The following ZNF407 variants were observed in gnomAD, a reference collection of about 807,000 sequenced individuals.
The protein encoded by ZNF407 is zinc finger protein 407.
In ZNF407, 17 loss-of-function variants were observed where a neutral mutation model predicts 131.2. The observed-to-expected ratio is 0.13, with a 90% CI of 0.09 to 0.19. The LOEUF (loss-of-function observed/expected upper bound fraction) is 0.19. Ranked by LOEUF, ZNF407 falls within the 10% of genes least tolerant of loss-of-function variation. The pLI, the probability that ZNF407 is intolerant of heterozygous loss-of-function variation, is 1.00. For synonymous variants in ZNF407, 1,156 were observed against 1,062.0 expected (o/e 1.09, Z -1.72); for missense variants, 2,681 against 2,830.6 (o/e 0.95, Z 1.20).
At chr18:75,043,140 T>C (rs1406879175) in intron 8 of ZNF407, among the ~76,000 whole-genome samples, 3 of 152,218 alleles carry the variant, frequency 2.0e-5, no homozygotes, top group Admixed American at 6.5e-5. Context: ...CAGCAGTTCA[T>C]GAGAGCTCCA....
intron 4 of ZNF407, among the ~76,000 whole-genome samples, chr18:74,797,946 A>G (rs2628104): frequency 0.016 from 2,458 of 152,206 alleles, 69 homozygotes; most frequent in African/African-American, 0.055. Context: ...GCGCATCCGT[A>G]AAGACCAGCA....
chr18:74,991,429 C>A (rs1972717694), intron 8 of ZNF407, among the ~76,000 whole-genome samples: 1 of 152,164 alleles, frequency 6.6e-6, no homozygotes, highest in Admixed American at 6.5e-5. Context: ...AATTGTAAAT[C>A]TAATAGCAAT....
intron 3 of ZNF407, among the ~76,000 whole-genome samples, chr18:74,779,105 A>ATT (rs1969539621): frequency 4.0e-4 from 10 of 24,866 alleles, no homozygotes; most frequent in African/African-American, 1.1e-3. Context: ...ATATATATAT[A>ATT]TATATTTTTT....
chr18:74,697,287 A>G (rs1425802949), intron 3 of ZNF407, among the ~76,000 whole-genome samples: 2 of 152,206 alleles, frequency 1.3e-5, no homozygotes, highest in African/African-American at 4.8e-5. Context: ...AGGAGAATAT[A>G]TATCCTTTGG....
chr18:74,665,488 A>T (rs749967348), intron 3 of ZNF407, among the ~76,000 whole-genome samples: 1 of 152,182 alleles, frequency 6.6e-6, no homozygotes, highest in Non-Finnish European at 1.5e-5. Context: ...TTTGGATTAC[A>T]GTTCATTGAC....
At chr18:74,865,133 GC>G (rs761538735) in intron 4 of ZNF407, among the ~76,000 whole-genome samples, 34 of 152,294 alleles carry the variant, frequency 2.2e-4, no homozygotes, top group South Asian at 1.0e-3. Flanking sequence ...TAGGCACCTG[GC>G]CAGGTACTTG....
intron 1 of ZNF407, among the ~76,000 whole-genome samples, chr18:74,623,837 A>G (rs1983671012): frequency 6.6e-6 from 1 of 152,166 alleles, no homozygotes; most frequent in Admixed American, 6.5e-5. Flanking sequence ...CATGGAGCTT[A>G]TGTTGACAGT....
rs555418737 is a variant in ZNF407, at chr18:75,006,791, G to A, written c.5429-56359G>A. 2.2e-3 allele frequency among the ~76,000 whole-genome samples: 329 copies of A among 152,066 alleles called. 2 individuals are homozygous for A. The highest frequency in any genetic ancestry group is 7.2e-3 in the African/African-American group (299 of 41,490). ...TGCCATTTACCAAATACTGAGAGAG[G>A]CATGTTGAAGTTTTTTACTACAAGT... On this transcript the variant is annotated intron_variant, in intron 8 of 8. Coordinates refer to ENST00000299687, the MANE Select transcript of ZNF407 (RefSeq NM_017757.3).
chr18:74,901,763 TC>T (rs1971528246), intron 7 of ZNF407, among the ~76,000 whole-genome samples: 1 of 152,246 alleles, frequency 6.6e-6, no homozygotes, highest in South Asian at 2.1e-4. Context: ...ATCCAGCTCT[TC>T]CTGAGCTGTG....
intron 5 of ZNF407, 90 bp downstream of exon 5, chr18:74,877,453 A>G: frequency 8.6e-7 from 1 of 1,160,170 alleles, no homozygotes; most frequent in Non-Finnish European, 1.2e-6. Flanking sequence ...TCCCATCTTC[A>G]TAGTAATCAA....
At position 74,633,265 on chromosome 18, in the gene ZNF407, T is replaced by A. The variant is rs1166786476; in HGVS notation, c.2246T>A (p.Met749Lys). ...CTTTATTCATTGAGCAAAGAAGGAA[T>A]GGAGAAACACATTAAAAGAAGCAAG... is the stretch of plus-strand genomic sequence containing the variant. Reference protein sequence around the residue: ...CNLYSLSKEGMEKHIKRSKHL... With the variant: ...CNLYSLSKEGKEKHIKRSKHL... Residue 749 changes from methionine (M) to lysine (K), a missense_variant, in exon 2 of 9, where the codon ATG (methionine) becomes AAG (lysine). By Grantham distance (95) the Met-to-Lys change is moderately conservative. Around this residue, in one of 6 missense-constraint regions of ZNF407, gnomAD observed 1,789 missense variants for 1,748.7 expected, o/e 1.02. Coordinates refer to ENST00000299687, the MANE Select transcript of ZNF407 (RefSeq NM_017757.3). The A allele has an allele frequency of 6.2e-7, 1 of 1,613,358 alleles. No homozygotes were observed. Among genetic ancestry groups the A allele is most frequent in the Non-Finnish European group, 8.5e-7 (1 of 1,179,742 alleles).
At chr18:74,967,511 T>C (rs545653516) in intron 8 of ZNF407, among the ~76,000 whole-genome samples, 1 of 152,350 alleles carries the variant, frequency 6.6e-6, no homozygotes, top group African/African-American at 2.4e-5. Context: ...CTTTTTTCTT[T>C]CTGTCTTGCC....
chr18:74,954,421 C>G lies in ZNF407; in HGVS notation c.5428+33729C>G, dbSNP rs144602917. The stretch of plus-strand genomic sequence containing the variant: ...AATACAGATATTATATTAAGCTTCT[C>G]TCCTTCCACTTAGGATATAAAATAA... On this transcript the variant is annotated intron_variant, in intron 8 of 8. Transcript: ENST00000299687. 4.5e-3 allele frequency among the ~76,000 whole-genome samples: 692 copies of G among 152,220 alleles called. 23 individuals carry two copies. The East Asian group carries it at 0.078, about 17-fold the overall frequency.
chr18:74,868,508 T>C (rs941175825), intron 4 of ZNF407, among the ~76,000 whole-genome samples: 4 of 152,238 alleles, frequency 2.6e-5, no homozygotes, highest in Non-Finnish European at 4.4e-5. Context: ...TTGTCATATA[T>C]ACCAAAGCCA....
At chr18:74,601,094 C>G (rs1982557900) in intron 1 of ZNF407, among the ~76,000 whole-genome samples, 1 of 152,130 alleles carries the variant, frequency 6.6e-6, no homozygotes. Flanking sequence ...GTGAGATGGA[C>G]AAGTCAAGGT....
chr18:74,838,300 T>C (rs1195225196), intron 4 of ZNF407, among the ~76,000 whole-genome samples: 1 of 152,204 alleles, frequency 6.6e-6, no homozygotes, highest in Non-Finnish European at 1.5e-5. Context: ...CTTACAGTTA[T>C]ATACTGGGAC....
intron 7 of ZNF407, among the ~76,000 whole-genome samples, chr18:74,901,676 T>TA (rs1971526607): frequency 1.4e-4 from 1 of 7,234 alleles, no homozygotes; most frequent in Non-Finnish European, 2.0e-3. Flanking sequence ...CATATATATA[T>TA]TTTTAATTGC....
chr18:75,016,095 G>A (rs1973040788), intron 8 of ZNF407, among the ~76,000 whole-genome samples: 1 of 152,018 alleles, frequency 6.6e-6, no homozygotes, highest in South Asian at 2.1e-4. Context: ...TGGGTTTTTT[G>A]AGGTTATGAT....
intron 3 of ZNF407, among the ~76,000 whole-genome samples, chr18:74,698,189 G>A (rs1398537126): frequency 6.6e-6 from 1 of 152,168 alleles, no homozygotes; most frequent in African/African-American, 2.4e-5. Context: ...CCAAGGGTTT[G>A]AACTTCAGGG....
Sources: allele counts gnomAD v4.1 joint callset (sites outside exome capture counted in the v4.1 genomes callset), GRCh38; gene constraint gnomAD v4.1.1; regional missense constraint gnomAD v4.1.1; transcripts MANE v1.5; gene names NCBI Gene and HGNC (gene_info 2026-07-23, HGNC 2026-07-21).